EYA1: variants seen among roughly 807,000 people sequenced by gnomAD.
EYA1 encodes the protein EYA transcriptional coactivator and phosphatase 1, also known as protein phosphatase EYA1.
A neutral mutation model predicts 82.0 loss-of-function variants in EYA1; 16 were observed. The ratio of observed to expected loss-of-function variants is 0.20; its 90% CI spans 0.13 to 0.30. EYA1 has a LOEUF of 0.30. Ranked by LOEUF, EYA1 falls within the 10% of genes least tolerant of loss-of-function variation. EYA1 has a pLI of 1.00. For missense variants in EYA1, 633 were observed against 730.7 expected (o/e 0.87, Z 1.54); for synonymous variants, 261 against 264.4 (o/e 0.99, Z 0.12).
At chr8:71,454,416 C>A (rs893074106) in intron 2 of EYA1, among the ~76,000 whole-genome samples, 2 of 152,134 alleles carry the variant, frequency 1.3e-5, no homozygotes, top group Non-Finnish European at 2.9e-5. Context: ...CTGCACCAAG[C>A]GGACTTAATA....
At chr8:71,406,606 G>A (rs952211224) in intron 2 of EYA1, among the ~76,000 whole-genome samples, 4 of 152,194 alleles carry the variant, frequency 2.6e-5, no homozygotes, top group South Asian at 2.1e-4. Flanking sequence ...TCAAAGAAAG[G>A]GGTGACGGAT....
chr8:71,481,358 G>A (rs1433564659), intron 2 of EYA1, among the ~76,000 whole-genome samples: 1 of 152,152 alleles, frequency 6.6e-6, no homozygotes, highest in Non-Finnish European at 1.5e-5. Context: ...ATTTTAAGAT[G>A]AGAGTCATTG....
intron 2 of EYA1, among the ~76,000 whole-genome samples, chr8:71,431,563 C>T (rs1805618104): frequency 6.6e-6 from 1 of 152,088 alleles, no homozygotes; most frequent in African/African-American, 2.4e-5. Flanking sequence ...AACAGAATTG[C>T]TAGGGTCTTT....
chr8:71,453,806 C>T (rs1807616782), intron 2 of EYA1, among the ~76,000 whole-genome samples: 1 of 152,174 alleles, frequency 6.6e-6, no homozygotes, highest in African/African-American at 2.4e-5. Flanking sequence ...GTACGAGCCA[C>T]TGCAAAAATA....
At chr8:71,205,627 A>C (rs1807668011) in intron 17 of EYA1, among the ~76,000 whole-genome samples, 1 of 152,216 alleles carries the variant, frequency 6.6e-6, no homozygotes, top group Non-Finnish European at 1.5e-5. Flanking sequence ...TTTATGATGC[A>C]AATTATAGAG....
intron 9 of EYA1, among the ~76,000 whole-genome samples, chr8:71,274,907 CGAGCGA>C (rs1439585486): frequency 7.3e-5 from 8 of 110,238 alleles, no homozygotes; most frequent in Non-Finnish European, 1.5e-4. Context: ...AGAGAGTGAG[CGAGCGA>C]GAGAGAGAGA....
At chr8:71,240,797 C>T (rs979075725) in intron 12 of EYA1, among the ~76,000 whole-genome samples, 24 of 152,296 alleles carry the variant, frequency 1.6e-4, no homozygotes, top group African/African-American at 5.8e-4. Flanking sequence ...GGAGAACTGA[C>T]CAGCAGCAGG....
intron 2 of EYA1, among the ~76,000 whole-genome samples, chr8:71,379,167 C>T (rs1253651164): frequency 1.3e-5 from 2 of 152,012 alleles, no homozygotes; most frequent in African/African-American, 2.4e-5. Flanking sequence ...ATGGATCACT[C>T]GAGCCTCGAG....
At chr8:71,460,737 C>T (rs1808301795) in intron 2 of EYA1, among the ~76,000 whole-genome samples, 1 of 152,130 alleles carries the variant, frequency 6.6e-6, no homozygotes, top group African/African-American at 2.4e-5. Context: ...GAAAAGTTTC[C>T]CAAACACTGC....
chr8:71,384,747 A>G (rs964957753), intron 2 of EYA1, among the ~76,000 whole-genome samples: 1 of 152,214 alleles, frequency 6.6e-6, no homozygotes, highest in Non-Finnish European at 1.5e-5. Flanking sequence ...TGTCTTAGAA[A>G]GGCAAAAGGC....
intron 2 of EYA1, among the ~76,000 whole-genome samples, chr8:71,496,387 A>G (rs1811412815): frequency 6.6e-6 from 1 of 152,310 alleles, no homozygotes; most frequent in Admixed American, 6.5e-5. Flanking sequence ...ATTCACTTAG[A>G]TTATACCCTG....
intron 2 of EYA1, among the ~76,000 whole-genome samples, chr8:71,394,124 T>C (rs1408140334): frequency 1.3e-5 from 2 of 152,228 alleles, no homozygotes; most frequent in Non-Finnish European, 1.5e-5. Context: ...TTCACTCACT[T>C]TTTGATGGGG....
At chr8:71,286,650 T>G (rs1433526836) in intron 9 of EYA1, among the ~76,000 whole-genome samples, 1 of 152,078 alleles carries the variant, frequency 6.6e-6, no homozygotes, top group East Asian at 1.9e-4. Flanking sequence ...TCAGGGAAGA[T>G]TCCCACGTAG....
intron 3 of EYA1, among the ~76,000 whole-genome samples, chr8:71,344,005 T>A (rs984326218): frequency 6.6e-6 from 1 of 152,218 alleles, no homozygotes; most frequent in Non-Finnish European, 1.5e-5. Flanking sequence ...TTTGCTTTTC[T>A]GTGTCTATCC....
At chr8:71,371,170 G>T (rs749378222) in intron 2 of EYA1, among the ~76,000 whole-genome samples, 1 of 152,198 alleles carries the variant, frequency 6.6e-6, no homozygotes, top group Admixed American at 6.5e-5. Context: ...ATAAGATGCA[G>T]TAAGACCCTT....
chr8:71,330,025 C>CA (rs1333634866), intron 4 of EYA1, among the ~76,000 whole-genome samples: 5 of 151,868 alleles, frequency 3.3e-5, no homozygotes, highest in Non-Finnish European at 5.9e-5. Flanking sequence ...GGACTGCCAG[C>CA]AAAAAACACA....
intron 12 of EYA1, among the ~76,000 whole-genome samples, chr8:71,217,566 C>T (rs1480877351): frequency 2.7e-5 from 4 of 150,752 alleles, no homozygotes; most frequent in African/African-American, 1.0e-4. Flanking sequence ...TTTTATCCTC[C>T]CTCTTTCTCT....
chr8:71,206,332 A>T lies in EYA1; in HGVS notation c.1698+4824T>A, dbSNP rs773852343. On this transcript the variant is annotated intron_variant, in intron 17 of 17. Transcript: ENST00000340726. Reference sequence around the variant, plus strand: ...GACCTCTGAGGCTCAGGTGATCCTCACACCTCAGCCTCTCCAGTAGCTTAG... The same window carrying T: ...GACCTCTGAGGCTCAGGTGATCCTCTCACCTCAGCCTCTCCAGTAGCTTAG... Among the ~76,000 whole-genome samples the T allele has an allele frequency of 3.3e-5, 5 of 151,746 alleles. No homozygotes were observed. The South Asian group carries it at 1.0e-3, about 32-fold the overall frequency.
At chr8:71,448,025 T>TTTTTTTTTTTTTTTGGTAACGGAG (rs935912194) in intron 2 of EYA1, among the ~76,000 whole-genome samples, 46 of 116,740 alleles carry the variant, frequency 3.9e-4, no homozygotes, top group Non-Finnish European at 5.2e-4. Context: ...TTTTTTTTTT[T>TTTTTTTTTTTTTTTGGTAACGGAG]TCTCGCTCCG....
Sources: allele counts gnomAD v4.1 joint callset (sites outside exome capture counted in the v4.1 genomes callset), GRCh38; gene constraint gnomAD v4.1.1; transcripts MANE v1.5; gene names NCBI Gene and HGNC (gene_info 2026-07-23, HGNC 2026-07-21).